Variants in ERBIN observed in about 807,000 individuals in gnomAD.
ERBIN encodes the protein erbb2 interacting protein, also known as densin-180-like protein.
A neutral mutation model predicts 158.4 loss-of-function variants in ERBIN; 60 were observed. That is an observed-to-expected ratio of 0.38 (90% CI 0.31 to 0.47). The LOEUF (loss-of-function observed/expected upper bound fraction) is 0.47, where lower values mean the gene tolerates loss of function less well. Ranked by LOEUF, ERBIN falls within the 20% of genes least tolerant of loss-of-function variation. The probability of loss-of-function intolerance (pLI) is 0.99; values close to 1 mark genes in which losing one functional copy is unlikely to be tolerated. For synonymous variants in ERBIN, 594 were observed against 557.2 expected (o/e 1.07, Z -0.93); for missense variants, 1,610 against 1,648.0 (o/e 0.98, Z 0.40).
intron 25 of ERBIN, 119 bp from the exon 26 acceptor site, chr5:66,078,304 T>A: frequency 3.0e-6 from 2 of 666,174 alleles, no homozygotes; most frequent in Non-Finnish European, 5.2e-6. Flanking sequence ...TGTGAATCTG[T>A]ATGTTATTTT....
intron 14 of ERBIN, among the ~76,000 whole-genome samples, chr5:66,028,620 A>G (rs1468763229): frequency 1.3e-5 from 2 of 152,182 alleles, no homozygotes; most frequent in Non-Finnish European, 2.9e-5. Context: ...TCTGAATTTA[A>G]TAGCATTATC....
intron 1 of ERBIN, among the ~76,000 whole-genome samples, chr5:65,939,537 C>CTCTCCCTCTCCCCACGG (rs70983699): frequency 1.3e-5 from 2 of 152,088 alleles, no homozygotes; most frequent in African/African-American, 2.4e-5. Context: ...CCTCTCCCCC[C>CTCTCCCTCTCCCCACGG]TCTCCCTCTC....
intron 1 of ERBIN, among the ~76,000 whole-genome samples, chr5:65,955,868 G>C (rs2150938429): frequency 6.6e-6 from 1 of 152,342 alleles, no homozygotes; most frequent in East Asian, 1.9e-4. Context: ...ATTGCATGCT[G>C]TTCTGAGTAG....
chr5:66,066,531 A>ATAAT (rs1561450859), intron 21 of ERBIN, among the ~76,000 whole-genome samples: 1 of 143,768 alleles, frequency 7.0e-6, no homozygotes, highest in African/African-American at 3.0e-5. Flanking sequence ...ATAAAAAAAA[A>ATAAT]AAAACAAAAA....
intron 7 of ERBIN, among the ~76,000 whole-genome samples, chr5:66,015,759 T>C (rs1310599728): frequency 2.6e-5 from 4 of 152,034 alleles, no homozygotes; most frequent in African/African-American, 7.2e-5. Flanking sequence ...ATCGCTTGAG[T>C]CCAAGAGTTT....
intron 8 of ERBIN, among the ~76,000 whole-genome samples, chr5:66,021,883 T>G (rs971368183): frequency 2.0e-5 from 3 of 152,164 alleles, no homozygotes; most frequent in African/African-American, 7.2e-5. Flanking sequence ...AAGTGCGCTA[T>G]GAAGCTGACT....
At chr5:66,019,707 A>G (rs1057352626) in intron 7 of ERBIN, among the ~76,000 whole-genome samples, 1 of 152,142 alleles carries the variant, frequency 6.6e-6, no homozygotes, top group African/African-American at 2.4e-5. Context: ...TTAAAATATA[A>G]ATTTTCCAGG....
chr5:65,939,485 A>G (rs1744513733), intron 1 of ERBIN, among the ~76,000 whole-genome samples: 1 of 151,916 alleles, frequency 6.6e-6, no homozygotes, highest in Non-Finnish European at 1.5e-5. Context: ...CAGCATCTTC[A>G]CCAAGAGAGG....
intron 1 of ERBIN, among the ~76,000 whole-genome samples, chr5:65,940,554 C>T: frequency 7.3e-6 from 1 of 136,650 alleles, no homozygotes; most frequent in South Asian, 2.3e-4. Context: ...GCCGCCCCGT[C>T]CGGGAGGTGA....
chr5:65,942,471 G>T (rs57233801), intron 1 of ERBIN, among the ~76,000 whole-genome samples: 101 of 152,280 alleles, frequency 6.6e-4, no homozygotes, highest in African/African-American at 2.3e-3. Flanking sequence ...TCTCTTTGGC[G>T]GACGCCAGTT....
chr5:66,066,505 C>T (rs1290863335), intron 21 of ERBIN, among the ~76,000 whole-genome samples: 3 of 149,552 alleles, frequency 2.0e-5, no homozygotes, highest in Non-Finnish European at 4.4e-5. Flanking sequence ...CCCCTCTTAA[C>T]CTCCCACTGC....
chr5:66,031,200 TCTA>T (rs1310726885), intron 14 of ERBIN, among the ~76,000 whole-genome samples: 2 of 152,168 alleles, frequency 1.3e-5, no homozygotes, highest in African/African-American at 4.8e-5. Flanking sequence ...AGTAAATTGT[TCTA>T]CTATTTAATG....
At chr5:65,966,861 TC>T (rs1421949726) in intron 1 of ERBIN, among the ~76,000 whole-genome samples, 1 of 152,128 alleles carries the variant, frequency 6.6e-6, no homozygotes, top group East Asian at 1.9e-4. Context: ...ATAGTAATGA[TC>T]CTGACCCTGT....
chr5:66,018,593 A>G (rs6863785), intron 7 of ERBIN, among the ~76,000 whole-genome samples: 1 of 8,658 alleles, frequency 1.2e-4, no homozygotes, highest in African/African-American at 4.3e-4. Flanking sequence ...ATATTATATA[A>G]TATATATTAT....
chr5:65,938,784 C>T (rs1744405411), intron 1 of ERBIN, among the ~76,000 whole-genome samples: 1 of 152,062 alleles, frequency 6.6e-6, no homozygotes, highest in South Asian at 2.1e-4. Flanking sequence ...AACTCCTGAC[C>T]TTATGATCTG....
intron 14 of ERBIN, among the ~76,000 whole-genome samples, chr5:66,037,432 CTG>C (rs1207041233): frequency 6.6e-6 from 1 of 152,060 alleles, no homozygotes; most frequent in Admixed American, 6.6e-5. Flanking sequence ...AATAAAACAC[CTG>C]TATTTGAGGC....
chr5:66,065,362 CT>C (rs200958708), intron 21 of ERBIN, among the ~76,000 whole-genome samples: 1 of 149,910 alleles, frequency 6.7e-6, no homozygotes, highest in South Asian at 2.1e-4. Flanking sequence ...TATGTACACC[CT>C]TAAGATTTCT....
intron 1 of ERBIN, among the ~76,000 whole-genome samples, chr5:65,932,198 G>A (rs1180311548): frequency 6.6e-6 from 1 of 151,940 alleles, no homozygotes; most frequent in South Asian, 2.1e-4. Flanking sequence ...AATTAGCTCG[G>A]TGTGGTCACA....
At chr5:65,961,480 G>A (rs1038686782) in intron 1 of ERBIN, among the ~76,000 whole-genome samples, 2 of 152,192 alleles carry the variant, frequency 1.3e-5, no homozygotes, top group Admixed American at 1.3e-4. Flanking sequence ...GTTTGGATAA[G>A]AGATTGTAGA....
Sources: gnomAD v4.1 joint callset for allele counts (sites outside exome capture counted in the v4.1 genomes callset) on GRCh38, gnomAD v4.1.1 for gene constraint, MANE v1.5 for transcripts, NCBI Gene and HGNC (gene_info 2026-07-23, HGNC 2026-07-21) for gene names.